Variants in ZNF385B observed in about 807,000 individuals in gnomAD.
ZNF385B encodes the protein zinc finger protein 385B, also known as zinc finger protein 533.
ZNF385B carries 23 observed loss-of-function variants against 39.2 expected under a neutral mutation model. The ratio of observed to expected loss-of-function variants is 0.59; its 90% CI spans 0.42 to 0.83. The LOEUF (loss-of-function observed/expected upper bound fraction) is 0.83, where lower values mean the gene tolerates loss of function less well. ZNF385B is among the 40% of genes least tolerant of loss of function. The pLI, the probability that ZNF385B is intolerant of heterozygous loss-of-function variation, is 0.00. For missense variants in ZNF385B, 552 were observed against 598.9 expected (o/e 0.92, Z 0.82); for synonymous variants, 205 against 222.6 (o/e 0.92, Z 0.70).
At chr2:179,508,664 G>A (rs1044914812) in intron 5 of ZNF385B, among the ~76,000 whole-genome samples, 2 of 152,174 alleles carry the variant, frequency 1.3e-5, no homozygotes, top group Admixed American at 1.3e-4. Flanking sequence ...TTTCGATGGT[G>A]AATCATGGAT....
At chr2:179,582,848 T>TTTG in intron 3 of ZNF385B, among the ~76,000 whole-genome samples, 1 of 152,166 alleles carries the variant, frequency 6.6e-6, no homozygotes, top group Non-Finnish European at 1.5e-5. Flanking sequence ...ACCAATATTT[T>TTTG]TTGTTGTTGT....
At chr2:179,589,826 T>A (rs541429306) in intron 3 of ZNF385B, among the ~76,000 whole-genome samples, 1 of 152,304 alleles carries the variant, frequency 6.6e-6, no homozygotes, top group East Asian at 1.9e-4. Context: ...TTGGGCCAAC[T>A]TGAAAAGAGG....
At chr2:179,495,408 C>T (rs1293078222) in intron 5 of ZNF385B, among the ~76,000 whole-genome samples, 1 of 152,214 alleles carries the variant, frequency 6.6e-6, no homozygotes, top group Non-Finnish European at 1.5e-5. Flanking sequence ...CACTTCTGGA[C>T]CCACCTGGGA....
chr2:179,673,816 C>A (rs1696381888), intron 3 of ZNF385B, among the ~76,000 whole-genome samples: 1 of 152,236 alleles, frequency 6.6e-6, no homozygotes, highest in East Asian at 1.9e-4. Flanking sequence ...TATTTCATAA[C>A]TTTTTAAAAT....
intron 1 of ZNF385B, among the ~76,000 whole-genome samples, chr2:179,839,937 C>T (rs1420917543): frequency 1.3e-5 from 2 of 152,188 alleles, no homozygotes; most frequent in Non-Finnish European, 2.9e-5. Context: ...TCTTCCCTCC[C>T]TCCCATCTCC....
intron 4 of ZNF385B, among the ~76,000 whole-genome samples, chr2:179,526,817 AC>A (rs1307109080): frequency 1.3e-5 from 2 of 152,012 alleles, no homozygotes; most frequent in Non-Finnish European, 2.9e-5. Context: ...CTCTCCACAA[AC>A]CGTTTATTAA....
At chr2:179,814,443 A>G (rs1044215343) in intron 1 of ZNF385B, 2 of 471,190 alleles carry the variant, frequency 4.2e-6, no homozygotes, top group Non-Finnish European at 8.3e-6. Context: ...GAATATTACC[A>G]AAGTACCTGA....
intron 5 of ZNF385B, among the ~76,000 whole-genome samples, chr2:179,495,873 A>G (rs564537466): frequency 6.6e-6 from 1 of 152,254 alleles, no homozygotes; most frequent in African/African-American, 2.4e-5. Context: ...AAGCCTTCCC[A>G]AGAAGGACGG....
chr2:179,667,357 A>G (rs1426563404), intron 3 of ZNF385B, among the ~76,000 whole-genome samples: 2 of 152,140 alleles, frequency 1.3e-5, no homozygotes, highest in Non-Finnish European at 2.9e-5. Context: ...GAAATCATGT[A>G]CTATGCATGT....
At chr2:179,816,217 T>C (rs1000627553) in intron 1 of ZNF385B, among the ~76,000 whole-genome samples, 6 of 152,226 alleles carry the variant, frequency 3.9e-5, no homozygotes, top group African/African-American at 1.2e-4. Context: ...CGGGTCTCCA[T>C]TTCTTTTTGC....
At chr2:179,520,882 A>G (rs529470792) in intron 4 of ZNF385B, among the ~76,000 whole-genome samples, 9 of 152,326 alleles carry the variant, frequency 5.9e-5, no homozygotes, top group Non-Finnish European at 1.2e-4. Context: ...CACTTAAACA[A>G]TAAATCATAG....
chr2:179,625,349 AT>A (rs1489790628), intron 3 of ZNF385B, among the ~76,000 whole-genome samples: 2 of 151,990 alleles, frequency 1.3e-5, no homozygotes, highest in African/African-American at 2.4e-5. Flanking sequence ...GAGCCTGATT[AT>A]TTATATTTTT....
intron 5 of ZNF385B, among the ~76,000 whole-genome samples, chr2:179,492,837 AGAAAAT>A (rs2055393485): frequency 6.6e-6 from 1 of 152,146 alleles, no homozygotes; most frequent in Non-Finnish European, 1.5e-5. Context: ...TATAACTAAG[AGAAAAT>A]AATGAAAACA....
intron 1 of ZNF385B, among the ~76,000 whole-genome samples, chr2:179,821,858 G>A (rs138390504): frequency 6.6e-6 from 1 of 152,028 alleles, no homozygotes; most frequent in African/African-American, 2.4e-5. Context: ...TCATTAATCT[G>A]ACTGCAGTGA....
intron 3 of ZNF385B, among the ~76,000 whole-genome samples, chr2:179,658,705 G>A (rs1694090559): frequency 6.6e-6 from 1 of 152,176 alleles, no homozygotes; most frequent in Admixed American, 6.5e-5. Flanking sequence ...AAAAGTAAAA[G>A]TATCATTTAA....
chr2:179,457,477 A>G (rs1016445593), intron 6 of ZNF385B, among the ~76,000 whole-genome samples: 1 of 152,076 alleles, frequency 6.6e-6, no homozygotes, highest in Non-Finnish European at 1.5e-5. Context: ...GATTGTACCA[A>G]TATATATTTC....
Position 179,509,156 on chromosome 2 carries a change from C to T in ZNF385B, c.552+9372G>A, listed in dbSNP as rs531874480. Among the ~76,000 whole-genome samples, 6 of 152,194 alleles carry T rather than the reference C, an allele frequency of 3.9e-5. No individual in the cohort carries two copies. The South Asian group carries it at 6.2e-4, about 16-fold the overall frequency. ...AGAGATGGGGTTTCACCATGTTAAC[C>T]AGGATGGTCTCGATCTCCTGACGTC... On this transcript the variant is annotated intron_variant, in intron 5 of 9. Coordinates refer to ENST00000410066, the MANE Select transcript of ZNF385B (RefSeq NM_152520.6).
intron 3 of ZNF385B, among the ~76,000 whole-genome samples, chr2:179,651,619 C>T (rs1243692242): frequency 6.6e-6 from 1 of 152,080 alleles, no homozygotes; most frequent in African/African-American, 2.4e-5. Context: ...TCGTTCACTA[C>T]AAATAAAAAT....
chr2:179,772,999 T>C (rs1704102024), intron 1 of ZNF385B, among the ~76,000 whole-genome samples: 1 of 152,212 alleles, frequency 6.6e-6, no homozygotes, highest in Non-Finnish European at 1.5e-5. Context: ...ATGTTGGTCC[T>C]TGAGTTGCTG....
Sources: allele counts gnomAD v4.1 joint callset (sites outside exome capture counted in the v4.1 genomes callset), GRCh38; gene constraint gnomAD v4.1.1; transcripts MANE v1.5; gene names NCBI Gene and HGNC (gene_info 2026-07-23, HGNC 2026-07-21).